Variants in ZFPM2 observed in about 807,000 individuals in gnomAD.
ZFPM2 encodes zinc finger protein ZFPM2.
In ZFPM2, 20 loss-of-function variants were observed where a neutral mutation model predicts 98.6. The ratio of observed to expected loss-of-function variants is 0.20; its 90% confidence interval spans 0.14 to 0.29. The LOEUF (loss-of-function observed/expected upper bound fraction) is 0.29, where lower values mean the gene tolerates loss of function less well. ZFPM2 is among the 10% of genes least tolerant of loss of function. ZFPM2 has a pLI of 1.00. For synonymous variants in ZFPM2, 518 were observed against 502.7 expected, an observed-to-expected ratio of 1.03 and a Z score of -0.41; for missense variants, 1,310 against 1,388.6, an observed-to-expected ratio of 0.94 and a Z score of 0.90.
At chr8:105,732,181 A>G (rs1811956742) in intron 5 of ZFPM2, among the ~76,000 whole-genome samples, 1 of 151,796 alleles carries the variant, frequency 6.6e-6, no homozygotes, top group Admixed American at 6.6e-5. Context: ...CTACATATTC[A>G]TATTCCTATG....
At chr8:105,652,122 G>C (rs1274411386) in intron 5 of ZFPM2, among the ~76,000 whole-genome samples, 1 of 151,542 alleles carries the variant, frequency 6.6e-6, no homozygotes, top group Non-Finnish European at 1.5e-5. Flanking sequence ...CAAGTCATTG[G>C]CTTGCTATTA....
In ZFPM2 at chr8:105,419,230, G is replaced by T; in HGVS notation, c.127G>T (p.Glu43Ter). Residue 43 changes from glutamate (E) to a stop codon, truncating the protein, a stop_gained, in exon 2 of 8, where the codon GAG becomes TAG. Transcript: ENST00000407775. LOFTEE classifies it high-confidence loss of function. The stretch of plus-strand genomic sequence containing the variant: ...CATCTCCAAAGGAGACTTTCCATTG[G>T]AGGAAAGCTTTTCCACAGAATTTGG... ...DIISKGDFPL[E>*]ESFSTEFGPE... 6.2e-7 allele frequency: 1 copy of T among 1,613,644 alleles called. No homozygotes were observed. Among genetic ancestry groups the T allele is most frequent in the Non-Finnish European group, 8.5e-7 (1 of 1,179,692 alleles).
chr8:105,754,427 A>C (rs1812548138), intron 5 of ZFPM2, among the ~76,000 whole-genome samples: 1 of 152,156 alleles, frequency 6.6e-6, no homozygotes, highest in Non-Finnish European at 1.5e-5. Flanking sequence ...TTTATTCTAG[A>C]CAGCAGGAAG....
chr8:105,416,678 AT>A (rs1239549281), intron 1 of ZFPM2, among the ~76,000 whole-genome samples: 3 of 151,876 alleles, frequency 2.0e-5, no homozygotes, highest in Non-Finnish European at 4.4e-5. Flanking sequence ...GCTACTTTAC[AT>A]GTTGATTTAG....
intron 1 of ZFPM2, among the ~76,000 whole-genome samples, chr8:105,362,045 A>T (rs1810407701): frequency 6.6e-6 from 1 of 152,062 alleles, no homozygotes; most frequent in Non-Finnish European, 1.5e-5. Flanking sequence ...TTGTTAAGCC[A>T]GGCATGATTG....
chr8:105,693,440 C>G (rs950539068), intron 5 of ZFPM2, among the ~76,000 whole-genome samples: 3 of 152,180 alleles, frequency 2.0e-5, no homozygotes, highest in Non-Finnish European at 4.4e-5. Context: ...GTTGTTAATG[C>G]TGAGGTCTCA....
intron 3 of ZFPM2, among the ~76,000 whole-genome samples, chr8:105,500,148 CTG>C (rs916570581): frequency 2.0e-5 from 3 of 152,118 alleles, no homozygotes; most frequent in African/African-American, 4.8e-5. Context: ...TTCTGTTATA[CTG>C]TGTGTTTATA....
chr8:105,505,951 A>G (rs767365154), intron 3 of ZFPM2, among the ~76,000 whole-genome samples: 2 of 152,060 alleles, frequency 1.3e-5, no homozygotes, highest in Non-Finnish European at 2.9e-5. Flanking sequence ...TTTTTTTAAC[A>G]ATGATATTTT....
chr8:105,482,336 C>CT (rs1429149398), intron 3 of ZFPM2, among the ~76,000 whole-genome samples: 7 of 151,784 alleles, frequency 4.6e-5, no homozygotes, highest in African/African-American at 1.7e-4. Context: ...TTCCTCTTTT[C>CT]TTTTTTAGAT....
At chr8:105,592,179 G>T (rs1815862826) in intron 4 of ZFPM2, among the ~76,000 whole-genome samples, 2 of 152,012 alleles carry the variant, frequency 1.3e-5, no homozygotes, top group Admixed American at 1.3e-4. Flanking sequence ...ACTATCAAAA[G>T]GTCAGGAGGC....
chr8:105,530,846 G>GA (rs1212012150), intron 3 of ZFPM2, among the ~76,000 whole-genome samples: 4 of 152,128 alleles, frequency 2.6e-5, no homozygotes, highest in African/African-American at 7.2e-5. Context: ...ACTAGGTAGT[G>GA]AGCTCTACAA....
At chr8:105,543,489 CT>C (rs1169326459) in intron 3 of ZFPM2, among the ~76,000 whole-genome samples, 3 of 152,102 alleles carry the variant, frequency 2.0e-5, no homozygotes, top group African/African-American at 7.2e-5. Flanking sequence ...ATCATATGGG[CT>C]CTTCCTGACT....
At chr8:105,481,189 C>A (rs1341952430) in intron 3 of ZFPM2, among the ~76,000 whole-genome samples, 1 of 151,884 alleles carries the variant, frequency 6.6e-6, no homozygotes, top group Non-Finnish European at 1.5e-5. Flanking sequence ...AAGAATATTT[C>A]TAAAAAAAAA....
chr8:105,590,583 A>G (rs150817137), intron 4 of ZFPM2, among the ~76,000 whole-genome samples: 18 of 152,348 alleles, frequency 1.2e-4, no homozygotes, highest in Middle Eastern at 3.4e-3. Context: ...TTAGTTATTT[A>G]ATTCGAAGAA....
rs543343728 is a variant in ZFPM2 at position 105,528,096 on chromosome 8, C to A, written c.302-33267C>A. On this transcript the variant is annotated intron_variant, in intron 3 of 7. Coordinates refer to ENST00000407775, the MANE Select transcript of ZFPM2 (RefSeq NM_012082.4). ...AATAAAACATAGTTTGCAGACTGCA[C>A]TTCTAGAAATGGATGCAGAGGGCTG... Among the ~76,000 whole-genome samples, 96 of 152,230 alleles carry A rather than the reference C, an allele frequency of 6.3e-4. 1 individual carries two copies. The highest frequency in any genetic ancestry group is 2.2e-3 in the African/African-American group (91 of 41,536).
intron 4 of ZFPM2, among the ~76,000 whole-genome samples, chr8:105,632,176 A>T (rs541931667): frequency 2.3e-4 from 34 of 150,850 alleles, no homozygotes; most frequent in Non-Finnish European, 3.4e-4. Context: ...TTTGTTTTGT[A>T]TTGTTTTGTT....
intron 5 of ZFPM2, among the ~76,000 whole-genome samples, chr8:105,653,131 G>A (rs371795258): frequency 1.3e-5 from 2 of 152,150 alleles, no homozygotes; most frequent in Non-Finnish European, 2.9e-5. Context: ...CAAAAACGAA[G>A]TAAGTAGAAA....
At chr8:105,503,714 C>G (rs1813641775) in intron 3 of ZFPM2, among the ~76,000 whole-genome samples, 1 of 152,196 alleles carries the variant, frequency 6.6e-6, no homozygotes, top group African/African-American at 2.4e-5. Flanking sequence ...GCACATAGTT[C>G]CAAGCACCCT....
At chr8:105,585,560 A>C (rs1048606331) in intron 4 of ZFPM2, among the ~76,000 whole-genome samples, 1 of 152,224 alleles carries the variant, frequency 6.6e-6, no homozygotes, top group African/African-American at 2.4e-5. Context: ...AGTGCCAGAC[A>C]CAATGTAAGA....
Sources: gnomAD v4.1 joint callset for allele counts (sites outside exome capture counted in the v4.1 genomes callset) on GRCh38, gnomAD v4.1.1 for gene constraint, MANE v1.5 for transcripts, NCBI Gene and HGNC (gene_info 2026-07-23, HGNC 2026-07-21) for gene names.